Variants in TRANK1 observed in about 807,000 individuals in gnomAD.
TRANK1 encodes tetratricopeptide repeat and ankyrin repeat containing 1.
TRANK1 carries 198 observed loss-of-function variants against 266.0 expected under a neutral mutation model. The ratio of observed to expected loss-of-function variants is 0.74; its 90% confidence interval spans 0.66 to 0.84. TRANK1 has a LOEUF of 0.84. TRANK1 is among the 40% of genes least tolerant of loss of function. The pLI, the probability that TRANK1 is intolerant of heterozygous loss-of-function variation, is 0.00. For missense variants in TRANK1, 3,326 were observed against 3,634.6 expected, an observed-to-expected ratio of 0.92 and a Z score of 2.18; for synonymous variants, 1,396 against 1,384.1, an observed-to-expected ratio of 1.01 and a Z score of -0.19.
intron 20 of TRANK1, among the ~76,000 whole-genome samples, chr3:36,837,912 A>G (rs1390090531): frequency 2.0e-5 from 3 of 152,206 alleles, no homozygotes; most frequent in African/African-American, 7.2e-5. Context: ...ATTAATTTAA[A>G]TTGTAAATTA....
intron 8 of TRANK1, among the ~76,000 whole-genome samples, chr3:36,881,099 C>G (rs150245744): frequency 1.3e-5 from 2 of 152,008 alleles, no homozygotes; most frequent in Admixed American, 6.6e-5. Context: ...TATTTTTCCC[C>G]TTTAAAATAT....
rs1233608651 is a variant in TRANK1, at chr3:36,842,699, T to C, written c.5203A>G (p.Ser1735Gly). The change falls in exon 18 of 24, where the codon AGC becomes GGC. Residue 1735 changes from serine to glycine, a missense_variant. By Grantham distance (56) the Ser-to-Gly change is moderately conservative. Transcript: ENST00000645898. ...KTDENKDFDD[S>G]MFVKTSTPAE... ...GGAGTTGAGGTCTTAACGAACATGC[T>C]ATCATCAAAGTCTAAAATGAGAAAG... 4 of 1,613,722 alleles carry C rather than the reference T, an allele frequency of 2.5e-6. No homozygotes were observed. Among genetic ancestry groups the C allele is most frequent in the Non-Finnish European group, 8.5e-7 (1 of 1,179,826 alleles).
chr3:36,909,823 G>A (rs761287639), intron 1 of TRANK1, among the ~76,000 whole-genome samples: 73 of 152,264 alleles, frequency 4.8e-4, no homozygotes, highest in African/African-American at 1.7e-3. Flanking sequence ...TCTTAAGTCA[G>A]AATACTGAAC....
At chr3:36,909,596 T>C (rs998207915) in intron 1 of TRANK1, among the ~76,000 whole-genome samples, 2 of 152,234 alleles carry the variant, frequency 1.3e-5, no homozygotes, top group Non-Finnish European at 2.9e-5. Flanking sequence ...TATGGGGTCA[T>C]AAAATTTCTT....
At chr3:36,937,066 C>T (rs2080435989) in intron 1 of TRANK1, among the ~76,000 whole-genome samples, 1 of 152,190 alleles carries the variant, frequency 6.6e-6, no homozygotes, top group Non-Finnish European at 1.5e-5. Context: ...CACTGCACTC[C>T]AGCCTGGGTG....
At chr3:36,926,232 C>A (rs1170585023) in intron 1 of TRANK1, among the ~76,000 whole-genome samples, 1 of 152,024 alleles carries the variant, frequency 6.6e-6, no homozygotes, top group African/African-American at 2.4e-5. Context: ...TGTTTTTATT[C>A]GTCTATCATG....
chr3:36,882,452 T>C (rs2079545201), intron 8 of TRANK1, among the ~76,000 whole-genome samples: 1 of 152,032 alleles, frequency 6.6e-6, no homozygotes, highest in African/African-American at 2.4e-5. Flanking sequence ...CAGAGACAAA[T>C]AGGTAATTAT....
chr3:36,871,323 G>T (rs2125570058), intron 9 of TRANK1, among the ~76,000 whole-genome samples: 1 of 152,276 alleles, frequency 6.6e-6, no homozygotes, highest in Non-Finnish European at 1.5e-5. Flanking sequence ...GGGAGGCGGA[G>T]GTTGCAGTGA....
intron 10 of TRANK1, 114 bp from the exon 11 acceptor site, chr3:36,861,274 T>A (rs1178784004): frequency 7.6e-7 from 1 of 1,311,316 alleles, no homozygotes; most frequent in Non-Finnish European, 1.0e-6. Flanking sequence ...AAACAAGTAG[T>A]TGATTATTTG....
intron 7 of TRANK1, among the ~76,000 whole-genome samples, chr3:36,891,541 G>A (rs540810940): frequency 5.9e-5 from 9 of 152,338 alleles, no homozygotes; most frequent in Non-Finnish European, 1.0e-4. Context: ...ACTGCTATGG[G>A]TGAATGTCCC....
At position 36,864,301 on chromosome 3, in the gene TRANK1, C is replaced by G. The variant is rs767870773; in HGVS notation, c.1240+18G>C. On this transcript the variant is annotated intron_variant, in intron 10 of 23. Coordinates refer to ENST00000645898, the MANE Select transcript of TRANK1 (RefSeq NM_001329998.2). ...ATAAATCATTTTTAACATCATTGAA[C>G]GTTGTGGAAAAAATTACCTTGCAGA... The G allele has an allele frequency of 1.3e-6, 2 of 1,486,860 alleles. No homozygotes were observed. Among genetic ancestry groups the G allele is most frequent in the Admixed American group, 2.5e-5 (1 of 39,698 alleles). The allele number at this position is 1,486,860 out of a possible 1,614,324, so 92.1% of individuals were successfully genotyped here.
rs1192042114 is a variant in TRANK1 at position 36,827,008 on chromosome 3, G to GC, written c.*1266dup. The GC allele has an allele frequency of 6.6e-6, 1 of 152,120 alleles. No homozygotes were observed. Among genetic ancestry groups the GC allele is most frequent in the Non-Finnish European group, 1.5e-5 (1 of 68,032 alleles). 9.4% of individuals were successfully genotyped at this position (152,120 alleles called of 1,614,324 possible). A position where few individuals can be genotyped will look rare whatever the true frequency, so the allele number is the denominator to read the frequency against. On this transcript the variant is annotated 3_prime_UTR_variant, in exon 24 of 24. Transcript: ENST00000645898. ...GATAAGGAAGAGAAAACAACAAGCA[G>GC]CATGAGCAGCAAAAGCAGCAGCAAC...
chr3:36,858,166 A>G, intron 12 of TRANK1, 117 bp from the exon 13 acceptor site: 3 of 824,384 alleles, frequency 3.6e-6, no homozygotes, highest in South Asian at 3.8e-5. Flanking sequence ...AACTCCCCCA[A>G]AAAATCTGAA....
intron 4 of TRANK1, among the ~76,000 whole-genome samples, chr3:36,896,183 G>T (rs11129742): frequency 6.6e-6 from 1 of 152,014 alleles, no homozygotes; most frequent in African/African-American, 2.4e-5. Context: ...AATGAAGATA[G>T]GTTTCATGGC....
At chr3:36,861,666 C>T (rs956681839) in intron 10 of TRANK1, among the ~76,000 whole-genome samples, 6 of 151,808 alleles carry the variant, frequency 4.0e-5, no homozygotes, top group African/African-American at 1.5e-4. Context: ...TAAAAATTAT[C>T]CCACTTCATA....
Position 36,847,214 on chromosome 3 carries a change from G to A in TRANK1, c.5020C>T (p.Pro1674Ser), listed in dbSNP as rs754213528. Reference protein sequence around the residue: ...SSQGRSLMVNPEMYKLLNGEL... With the variant: ...SSQGRSLMVNSEMYKLLNGEL... The stretch of plus-strand genomic sequence containing the variant: ...CAGAAATTCACCTTGTACATTTCTG[G>A]ATTCACCATGAGAGATCGACCCTGA... Residue 1674 changes from proline (P) to serine (S), a missense_variant, in exon 16 of 24, where the codon CCA (proline) becomes TCA (serine). Physicochemically the swap from Pro to Ser is moderately conservative, Grantham distance 74 (BLOSUM62 -1). Transcript: ENST00000645898. 46 of 1,612,736 alleles carry A rather than the reference G, an allele frequency of 2.9e-5. No individual in the cohort carries two copies. Among genetic ancestry groups the A allele is most frequent in the Middle Eastern group, 3.3e-4 (2 of 6,078 alleles).
chr3:36,865,428 G>A (rs1480445668), intron 9 of TRANK1, among the ~76,000 whole-genome samples: 5 of 152,206 alleles, frequency 3.3e-5, no homozygotes, highest in Non-Finnish European at 5.9e-5. Flanking sequence ...GGCTTAGCAC[G>A]ATGGCAACAT....
Position 36,830,902 on chromosome 3 carries a change from T to A in TRANK1, c.8681A>T (p.Asp2894Val), listed in dbSNP as rs1479965754. ...HIKRVSDMVE[D>V]LYRRKAWAGA... Reference sequence around the variant, plus strand: ...AGCCCAGGCCTTCCGCCTGTAGAGGTCCTCCACCATATCCGAAACCCTCTT... The same window carrying A: ...AGCCCAGGCCTTCCGCCTGTAGAGGACCTCCACCATATCCGAAACCCTCTT... The change falls in exon 22 of 24, where the codon GAC (aspartate) becomes GTC (valine). Residue 2894 changes from aspartate to valine, a missense_variant. Transcript: ENST00000645898. 4 of 1,612,046 alleles carry A rather than the reference T, an allele frequency of 2.5e-6. No individual in the cohort carries two copies. The highest frequency in any genetic ancestry group is 2.5e-6 in the Non-Finnish European group (3 of 1,178,636).
At chr3:36,931,576 G>A (rs924261560) in intron 1 of TRANK1, among the ~76,000 whole-genome samples, 1 of 151,974 alleles carries the variant, frequency 6.6e-6, no homozygotes, top group Non-Finnish European at 1.5e-5. Flanking sequence ...ATGGTGGCAC[G>A]CACCTATAGT....
Sources: allele counts gnomAD v4.1 joint callset (sites outside exome capture counted in the v4.1 genomes callset), GRCh38; gene constraint gnomAD v4.1.1; transcripts MANE v1.5; gene names NCBI Gene and HGNC (gene_info 2026-07-23, HGNC 2026-07-21).